The following TCERG1L variants were observed in gnomAD, a reference collection of about 807,000 sequenced individuals.
TCERG1L encodes the protein transcription elongation regulator 1-like protein.
In TCERG1L, 37 loss-of-function variants were observed where a neutral mutation model predicts 56.3. The ratio of observed to expected loss-of-function variants is 0.66; its 90% CI spans 0.51 to 0.87. The LOEUF (loss-of-function observed/expected upper bound fraction) is 0.87, where lower values mean the gene tolerates loss of function less well. Ranked by LOEUF, TCERG1L falls within the 40% of genes least tolerant of loss-of-function variation. The probability of loss-of-function intolerance (pLI) is 0.00; values close to 1 mark genes in which losing one functional copy is unlikely to be tolerated. For synonymous variants in TCERG1L, 324 were observed against 326.3 expected, an observed-to-expected ratio of 0.99 and a Z score of 0.08; for missense variants, 799 against 774.2, an observed-to-expected ratio of 1.03 and a Z score of -0.38.
intron 4 of TCERG1L, among the ~76,000 whole-genome samples, chr10:131,177,730 C>A (rs1312660590): frequency 6.6e-6 from 1 of 152,120 alleles, no homozygotes; most frequent in Non-Finnish European, 1.5e-5. Context: ...CGGCACAGAG[C>A]AGCAGGCTCT....
At chr10:131,166,268 A>G (rs1589734062) in intron 5 of TCERG1L, among the ~76,000 whole-genome samples, 2 of 152,354 alleles carry the variant, frequency 1.3e-5, no homozygotes, top group East Asian at 3.9e-4. Context: ...TATTTGACAG[A>G]TGAGAGCAAA....
At chr10:131,142,938 A>G (rs1845754430) in intron 7 of TCERG1L, among the ~76,000 whole-genome samples, 1 of 152,174 alleles carries the variant, frequency 6.6e-6, no homozygotes, top group Admixed American at 6.5e-5. Context: ...CATAGACCAC[A>G]GGGACCCTTC....
chr10:131,255,686 G>A (rs1404148802), intron 4 of TCERG1L, among the ~76,000 whole-genome samples: 4 of 152,222 alleles, frequency 2.6e-5, no homozygotes, highest in Admixed American at 2.6e-4. Context: ...AACGGCTAAC[G>A]TAGTTAAAGT....
chr10:131,242,774 T>G (rs1438837915), intron 4 of TCERG1L, among the ~76,000 whole-genome samples: 1 of 152,164 alleles, frequency 6.6e-6, no homozygotes, highest in East Asian at 1.9e-4. Flanking sequence ...GCCTTCTGGA[T>G]GAGGATGCTG....
At chr10:131,125,683 G>A (rs1845558330) in intron 8 of TCERG1L, among the ~76,000 whole-genome samples, 1 of 152,232 alleles carries the variant, frequency 6.6e-6, no homozygotes, top group Admixed American at 6.5e-5. Flanking sequence ...GAGCACAGGG[G>A]TGTCGGTTCC....
At chr10:131,210,137 C>T (rs767993794) in intron 4 of TCERG1L, among the ~76,000 whole-genome samples, 1 of 152,242 alleles carries the variant, frequency 6.6e-6, no homozygotes, top group Non-Finnish European at 1.5e-5. Flanking sequence ...GATTTTCCAG[C>T]ATTTTGTCAT....
At chr10:131,182,012 GTGTA>G (rs1375333843) in intron 4 of TCERG1L, among the ~76,000 whole-genome samples, 7 of 152,190 alleles carry the variant, frequency 4.6e-5, no homozygotes, top group Admixed American at 2.0e-4. Context: ...AGCACACCGT[GTGTA>G]TGTGTGTGTA....
chr10:131,264,035 G>T (rs1846259788), intron 3 of TCERG1L, among the ~76,000 whole-genome samples: 1 of 129,748 alleles, frequency 7.7e-6, no homozygotes, highest in Non-Finnish European at 1.6e-5. Context: ...AGGGCAATGG[G>T]TGGGTGGGAC....
At chr10:131,094,072 C>CT (rs1237092053) in intron 11 of TCERG1L, among the ~76,000 whole-genome samples, 27 of 152,358 alleles carry the variant, frequency 1.8e-4, no homozygotes, top group African/African-American at 6.0e-4. Context: ...AGGCTGTTCT[C>CT]AAGGCTACGG....
chr10:131,170,413 C>T (rs1227338935), intron 4 of TCERG1L, among the ~76,000 whole-genome samples: 2 of 152,022 alleles, frequency 1.3e-5, no homozygotes, highest in Admixed American at 6.5e-5. Context: ...TAAAGTACTT[C>T]GGGGAGCATG....
intron 4 of TCERG1L, among the ~76,000 whole-genome samples, chr10:131,243,805 T>C (rs1447205964): frequency 6.6e-6 from 1 of 152,306 alleles, no homozygotes; most frequent in East Asian, 1.9e-4. Flanking sequence ...GCTCGTGACT[T>C]GTGGGTCAGC....
intron 4 of TCERG1L, among the ~76,000 whole-genome samples, chr10:131,182,861 T>C (rs770076063): frequency 6.6e-6 from 1 of 152,248 alleles, no homozygotes; most frequent in Non-Finnish European, 1.5e-5. Context: ...GTTATCTTCT[T>C]TATTTCTAAA....
chr10:131,146,246 G>A lies in TCERG1L; in HGVS notation c.1189+260C>T, dbSNP rs201152697. On this transcript the variant is annotated intron_variant, in intron 7 of 11. Transcript: ENST00000368642. ...ATGCTGGATGGAAGCTTTGAGGGGC[G>A]GAGGGAATGAATGGCCATCTCTGCG... Among the ~76,000 whole-genome samples the A allele has an allele frequency of 1.5e-4, 23 of 152,314 alleles. No individual in the cohort carries two copies. In the East Asian group the frequency reaches 1.9e-3, roughly 13 times the overall value.
intron 4 of TCERG1L, among the ~76,000 whole-genome samples, chr10:131,202,607 A>AT (rs1399468390): frequency 2.6e-5 from 4 of 152,186 alleles, no homozygotes; most frequent in South Asian, 2.1e-4. Flanking sequence ...TAAAAAACAG[A>AT]TTTTTTCAAG....
At chr10:131,188,659 AT>A (rs1446469056) in intron 4 of TCERG1L, among the ~76,000 whole-genome samples, 1 of 151,900 alleles carries the variant, frequency 6.6e-6, no homozygotes, top group East Asian at 1.9e-4. Context: ...GACTTGGGAT[AT>A]TTTTCGCATG....
At chr10:131,206,388 G>GA (rs1256087643) in intron 4 of TCERG1L, among the ~76,000 whole-genome samples, 6 of 152,174 alleles carry the variant, frequency 3.9e-5, no homozygotes, top group Non-Finnish European at 8.8e-5. Context: ...AGGCCCTGGG[G>GA]CCCCAGACAG....
chr10:131,294,073 A>G (rs1191893015), intron 3 of TCERG1L, among the ~76,000 whole-genome samples: 2 of 152,144 alleles, frequency 1.3e-5, no homozygotes, highest in African/African-American at 4.8e-5. Context: ...TTTTATTATG[A>G]AATCTTTCAA....
At position 131,223,683 on chromosome 10, in the gene TCERG1L, C is replaced by T. The variant is rs201509267; in HGVS notation, c.856+36576G>A. On this transcript the variant is annotated intron_variant, in intron 4 of 11. Transcript: ENST00000368642. The stretch of plus-strand genomic sequence containing the variant: ...AGACATGCACACACACATGCTCACC[C>T]TCACGCATACAGACACACACACATG... Among the ~76,000 whole-genome samples, 67 of 135,352 alleles carry T rather than the reference C, an allele frequency of 5.0e-4. 1 individual carries two copies. The East Asian group carries it at 0.012, about 25-fold the overall frequency. 88.8% of individuals were successfully genotyped at this position (135,352 alleles called of 152,430 possible). A position where few individuals can be genotyped will look rare whatever the true frequency, so the allele number is the denominator to read the frequency against.
At chr10:131,278,147 G>T (rs1477246945) in intron 3 of TCERG1L, among the ~76,000 whole-genome samples, 3 of 151,752 alleles carry the variant, frequency 2.0e-5, no homozygotes, top group Non-Finnish European at 2.9e-5. Flanking sequence ...CACCGGTGGG[G>T]CTCCTTCACC....
Sources: gnomAD v4.1 joint callset for allele counts (sites outside exome capture counted in the v4.1 genomes callset) on GRCh38, gnomAD v4.1.1 for gene constraint, MANE v1.5 for transcripts, NCBI Gene and HGNC (gene_info 2026-07-23, HGNC 2026-07-21) for gene names.